Variants in MFN1 observed in about 807,000 individuals in gnomAD.
MFN1 encodes the protein mitofusin-1.
MFN1 carries 65 observed loss-of-function variants against 92.4 expected under a neutral mutation model. The ratio of observed to expected loss-of-function variants is 0.70; its 90% CI spans 0.58 to 0.86. The LOEUF (loss-of-function observed/expected upper bound fraction) is 0.86. Ranked by LOEUF, MFN1 falls within the 40% of genes least tolerant of loss-of-function variation. The probability of loss-of-function intolerance (pLI) is 0.00; values close to 1 mark genes in which losing one functional copy is unlikely to be tolerated. For missense variants in MFN1, 781 were observed against 868.0 expected (o/e 0.90, Z 1.26); for synonymous variants, 297 against 300.9 (o/e 0.99, Z 0.13).
chr3:179,368,453 T>C (rs1712891533), intron 9 of MFN1, among the ~76,000 whole-genome samples: 2 of 151,954 alleles, frequency 1.3e-5, no homozygotes, highest in South Asian at 2.1e-4. Flanking sequence ...GAATGGATAA[T>C]AGAGCAAAGT....
chr3:179,352,894 G>A lies in MFN1; in HGVS notation c.248+859G>A, dbSNP rs139519056. Among the ~76,000 whole-genome samples, 1,475 of 151,676 alleles carry A rather than the reference G, an allele frequency of 9.7e-3. 46 individuals carry two copies. The South Asian group carries it at 0.11, about 11-fold the overall frequency. Reference sequence around the variant, plus strand: ...AGCCTCCCTAGTAGCTGGAATTATAGGCGTGTGCCACCATACCTGGCTAAT... The same window carrying A: ...AGCCTCCCTAGTAGCTGGAATTATAAGCGTGTGCCACCATACCTGGCTAAT... On this transcript the variant is annotated intron_variant, in intron 3 of 17. Coordinates refer to ENST00000471841, the MANE Select transcript of MFN1 (RefSeq NM_033540.3).
intron 7 of MFN1, among the ~76,000 whole-genome samples, chr3:179,366,190 C>G (rs1712781861): frequency 6.6e-6 from 1 of 152,148 alleles, no homozygotes; most frequent in African/African-American, 2.4e-5. Flanking sequence ...CAAGCAAACA[C>G]TGGCCAATCC....
At chr3:179,385,808 T>G in intron 15 of MFN1, 87 bp downstream of exon 15, 1 of 1,223,600 alleles carries the variant, frequency 8.2e-7, no homozygotes. Flanking sequence ...ATACAGTATT[T>G]ACTTCTATTT....
chr3:179,386,707 G>A (rs1303941285), intron 16 of MFN1, 78 bp downstream of exon 16: 30 of 1,270,620 alleles, frequency 2.4e-5, no homozygotes, highest in Middle Eastern at 3.9e-4. Flanking sequence ...CACAAAATAA[G>A]TGTATTGCTC....
intron 3 of MFN1, among the ~76,000 whole-genome samples, chr3:179,355,718 G>A (rs750975513): frequency 6.6e-6 from 1 of 151,856 alleles, no homozygotes; most frequent in Non-Finnish European, 1.5e-5. Context: ...TTGGGAGGCC[G>A]AGGCAGGTGG....
intron 5 of MFN1, among the ~76,000 whole-genome samples, chr3:179,363,947 C>T (rs966496455): frequency 6.6e-5 from 10 of 151,932 alleles, no homozygotes; most frequent in Admixed American, 2.6e-4. Flanking sequence ...CACTGCAGCT[C>T]CTAGTACAGT....
Position 179,386,563 on chromosome 3 carries a change from A to G in MFN1, c.1946A>G (p.Tyr649Cys), listed in dbSNP as rs1280015427. ...GCCTTTAAACAGCAGTTTGTAAACT[A>G]TGCAACTGAAAAACTGAGGATGATT... ...ERAFKQQFVN[Y>C]ATEKLRMIVS... The change falls in exon 16 of 18, where the codon TAT becomes TGT. Residue 649 changes from tyrosine to cysteine, a missense_variant. Transcript: ENST00000471841. The G allele has an allele frequency of 6.2e-7, 1 of 1,614,034 alleles. No homozygotes were observed. Among genetic ancestry groups the G allele is most frequent in the Admixed American group, 1.7e-5 (1 of 59,982 alleles).
intron 5 of MFN1, among the ~76,000 whole-genome samples, chr3:179,363,042 G>C (rs1712645300): frequency 6.6e-6 from 1 of 152,106 alleles, no homozygotes; most frequent in South Asian, 2.1e-4. Flanking sequence ...ATAGATACAA[G>C]AAAATATGAA....
At chr3:179,358,215 A>C (rs1317488403) in intron 3 of MFN1, among the ~76,000 whole-genome samples, 1 of 141,134 alleles carries the variant, frequency 7.1e-6, no homozygotes, top group Non-Finnish European at 1.5e-5. Flanking sequence ...CAGTGGCGCG[A>C]TCTTGGCTCA....
intron 17 of MFN1, among the ~76,000 whole-genome samples, chr3:179,390,456 T>C (rs1022403869): frequency 5.9e-5 from 9 of 152,316 alleles, no homozygotes; most frequent in African/African-American, 1.7e-4. Context: ...ACAGAAGTTG[T>C]ATAATTAAAA....
chr3:179,387,120 AAT>A (rs1713715485), intron 16 of MFN1, among the ~76,000 whole-genome samples: 1 of 151,922 alleles, frequency 6.6e-6, no homozygotes, highest in African/African-American at 2.4e-5. Context: ...ACAGGGACTC[AAT>A]ATGTTGCCCG....
chr3:179,389,425 AC>A (rs1713816624), intron 16 of MFN1, among the ~76,000 whole-genome samples: 1 of 152,162 alleles, frequency 6.6e-6, no homozygotes, highest in South Asian at 2.1e-4. Flanking sequence ...AATGGAGGCA[AC>A]CTCAAATAAT....
At chr3:179,387,932 C>T (rs543263956) in intron 16 of MFN1, among the ~76,000 whole-genome samples, 40 of 152,190 alleles carry the variant, frequency 2.6e-4, no homozygotes, top group African/African-American at 8.7e-4. Context: ...GGGGTTTTCA[C>T]CATGTTGGCC....
Position 179,394,346 on chromosome 3 carries a change from T to C in MFN1, c.*2287T>C, listed in dbSNP as rs576520367. 1 of 151,942 alleles carries C rather than the reference T, an allele frequency of 6.6e-6. No homozygotes were observed. The highest frequency in any genetic ancestry group is 1.5e-5 in the Non-Finnish European group (1 of 67,996). The allele number at this position is 151,942 out of a possible 1,614,324, so 9.4% of individuals were successfully genotyped here. On this transcript the variant is annotated 3_prime_UTR_variant, in exon 18 of 18. Coordinates refer to ENST00000471841, the MANE Select transcript of MFN1 (RefSeq NM_033540.3). ...TTTCATCACTTGTTTTATGTAGTTG[T>C]CTGATCAATTGTGAAAACATAATGA...
In MFN1 at chr3:179,375,325, G is replaced by C; in HGVS notation, c.1081G>C (p.Ala361Pro). 6.2e-7 allele frequency: 1 copy of C among 1,612,958 alleles called. No homozygotes were observed. The highest frequency in any genetic ancestry group is 1.3e-5 in the African/African-American group (1 of 74,978). Residue 361 changes from alanine to proline, a missense_variant, in exon 10 of 18, where the codon GCA becomes CCA. Physicochemically the swap from Ala to Pro is conservative, Grantham distance 27 (BLOSUM62 -1). Transcript: ENST00000471841. ...AAACATAATGGATTCAGTAAACCTG[G>C]CAGCTGAAGATAAAAGGTATGAGTT... Reference protein sequence around the residue: ...VKNIMDSVNLAAEDKRHYSVE... With the variant: ...VKNIMDSVNLPAEDKRHYSVE...
intron 11 of MFN1, 65 bp from the exon 12 acceptor site, chr3:179,377,274 CAATTT>C (rs927294769): frequency 6.6e-7 from 1 of 1,520,628 alleles, no homozygotes; most frequent in Non-Finnish European, 8.9e-7. Flanking sequence ...TCAGATTTTT[CAATTT>C]AATTTTTTTG....
chr3:179,377,137 T>A lies in MFN1; in HGVS notation c.1193T>A (p.Ile398Asn). The A allele has an allele frequency of 6.2e-7, 1 of 1,613,660 alleles. No homozygotes were observed. Among genetic ancestry groups the A allele is most frequent in the South Asian group, 1.1e-5 (1 of 90,996 alleles). ...TTAACACTGGATGTTAAGAAAAAAA[T>A]CAAGGAGGTTACCGAGGAGGTGGCA... Reference protein sequence around the residue: ...NLLTLDVKKKIKEVTEEVANK... With the variant: ...NLLTLDVKKKNKEVTEEVANK... The change falls in exon 11 of 18, where the codon ATC (isoleucine) becomes AAC (asparagine). Residue 398 changes from isoleucine (I) to asparagine (N), a missense_variant. Coordinates refer to ENST00000471841, the MANE Select transcript of MFN1 (RefSeq NM_033540.3).
At chr3:179,387,670 T>G (rs923034936) in intron 16 of MFN1, among the ~76,000 whole-genome samples, 5 of 130,610 alleles carry the variant, frequency 3.8e-5, no homozygotes, top group East Asian at 2.7e-4. Flanking sequence ...CTCGGCTCAC[T>G]GCAACCTCCA....
chr3:179,389,076 G>A (rs185152453), intron 16 of MFN1, among the ~76,000 whole-genome samples: 23 of 152,330 alleles, frequency 1.5e-4, no homozygotes, highest in Admixed American at 1.4e-3. Flanking sequence ...CAAAATCAAA[G>A]TCTGAACTAA....
Sources: allele counts gnomAD v4.1 joint callset (sites outside exome capture counted in the v4.1 genomes callset), GRCh38; gene constraint gnomAD v4.1.1; transcripts MANE v1.5; gene names NCBI Gene and HGNC (gene_info 2026-07-23, HGNC 2026-07-21).